The following ABHD16A variants were observed in gnomAD, a reference collection of about 807,000 sequenced individuals.
ABHD16A encodes abhydrolase domain containing 16A, phospholipase.
A neutral mutation model predicts 89.8 loss-of-function variants in ABHD16A; 47 were observed. The ratio of observed to expected loss-of-function variants is 0.52; its 90% CI spans 0.41 to 0.67. The LOEUF (loss-of-function observed/expected upper bound fraction) is 0.67. Ranked by LOEUF, ABHD16A falls within the 30% of genes least tolerant of loss-of-function variation. The pLI, the probability that ABHD16A is intolerant of heterozygous loss-of-function variation, is 0.00. For missense variants in ABHD16A, 580 were observed against 734.6 expected (o/e 0.79, Z 2.43); for synonymous variants, 251 against 280.4 (o/e 0.90, Z 1.05).
At position 31,687,554 on chromosome 6, in the gene ABHD16A, G is replaced by A. The variant is rs1803416991; in HGVS notation, c.1547-10C>T. The stretch of plus-strand genomic sequence containing the variant: ...GCACTCATGTCCTCCCCTGCAGAGA[G>A]GAGGCGCTCAAAATAGGCCACACAT... On this transcript the variant is annotated splice_polypyrimidine_tract_variant and intron_variant, in intron 18 of 19. Transcript: ENST00000395952. The surrounding 1 kb of genome is among the most constrained non-coding windows in gnomAD (Gnocchi z 6.3). 3 of 1,612,950 alleles carry A rather than the reference G, an allele frequency of 1.9e-6. No individual in the cohort carries two copies. The highest frequency in any genetic ancestry group is 1.3e-5 in the African/African-American group (1 of 74,896).
chr6:31,701,381 AC>A, intron 2 of ABHD16A, 41 bp from the exon 3 acceptor site: 2 of 1,495,150 alleles, frequency 1.3e-6, no homozygotes, highest in Non-Finnish European at 1.9e-6. Flanking sequence ...ATACACACAC[AC>A]ACACACACCT....
In ABHD16A at chr6:31,691,667, C is replaced by G; in HGVS notation, c.755G>C (p.Arg252Pro). 1 of 1,604,772 alleles carries G rather than the reference C, an allele frequency of 6.2e-7. No individual in the cohort carries two copies. Among genetic ancestry groups the G allele is most frequent in the Admixed American group, 1.7e-5 (1 of 58,430 alleles). Residue 252 changes from arginine to proline, a missense_variant, in exon 9 of 20, where the codon CGG (arginine) becomes CCG (proline). By Grantham distance (103) the Arg-to-Pro change is moderately radical. Transcript: ENST00000395952. Reference sequence around the variant, plus strand: ...GCCATCACAGGCCAGCAGCTTTGCCCGGCGCCCATTACACTGAGTACGGAA... The same window carrying G: ...GCCATCACAGGCCAGCAGCTTTGCCGGGCGCCCATTACACTGAGTACGGAA... ...ARLVEECNGR[R>P]AKLLACDGNE...
Position 31,693,115 on chromosome 6 carries a change from C to T in ABHD16A, c.538G>A (p.Val180Met). 6.2e-7 allele frequency: 1 copy of T among 1,613,992 alleles called. No homozygotes were observed. Among genetic ancestry groups the T allele is most frequent in the Non-Finnish European group, 8.5e-7 (1 of 1,179,948 alleles). The change falls in exon 7 of 20, where the codon GTG becomes ATG. Residue 180 changes from valine (V) to methionine (M), a missense_variant. Coordinates refer to ENST00000395952, the MANE Select transcript of ABHD16A (RefSeq NM_021160.3). The surrounding 1 kb of genome is among the most constrained non-coding windows in gnomAD (Gnocchi z 5.0). Reference protein sequence around the residue: ...ESRGGPSRRGVALLRPEPLHR... With the variant: ...ESRGGPSRRGMALLRPEPLHR... Reference sequence around the variant, plus strand: ...AGGGGCTCTGGGCGAAGCAGGGCCACACCCCGGCGGGAAGGGCCCCCTCGA... The same window carrying T: ...AGGGGCTCTGGGCGAAGCAGGGCCATACCCCGGCGGGAAGGGCCCCCTCGA...
intron 2 of ABHD16A, 55 bp from the exon 3 acceptor site, chr6:31,701,395 C>T: frequency 7.2e-7 from 1 of 1,380,150 alleles, no homozygotes; most frequent in Non-Finnish European, 1.0e-6. Context: ...ACACACCTGC[C>T]ATTCCAGGCA....
Position 31,690,443 on chromosome 6 carries a change from A to C in ABHD16A, c.907+96T>G. ...AGCTGAGAGACTCAAAACCTCACCCAGAGAAAGCAGAGGCCAGGGGAGGTC... is the reference window on the plus strand; with the variant it reads ...AGCTGAGAGACTCAAAACCTCACCCCGAGAAAGCAGAGGCCAGGGGAGGTC... On this transcript the variant is annotated intron_variant, in intron 10 of 19. Coordinates refer to ENST00000395952, the MANE Select transcript of ABHD16A (RefSeq NM_021160.3). The surrounding 1 kb of genome is among the most constrained non-coding windows in gnomAD (Gnocchi z 4.1). 2 of 1,349,072 alleles carry C rather than the reference A, an allele frequency of 1.5e-6. No individual in the cohort carries two copies. The highest frequency in any genetic ancestry group is 2.1e-6 in the Non-Finnish European group (2 of 944,634). 83.6% of individuals were successfully genotyped at this position (1,349,072 alleles called of 1,614,324 possible).
chr6:31,688,932 C>T lies in ABHD16A; in HGVS notation c.1186+83G>A. On this transcript the variant is annotated intron_variant, in intron 13 of 19. Transcript: ENST00000395952. The surrounding 1 kb of genome is among the most constrained non-coding windows in gnomAD (Gnocchi z 4.9). ...ACAATGGGGCGACTTACTCCCCACC[C>T]AAGAAAAGGGAGCCATCTCAGAACA... 6.9e-7 allele frequency: 1 copy of T among 1,448,684 alleles called. No homozygotes were observed. The highest frequency in any genetic ancestry group is 1.2e-5 in the South Asian group (1 of 80,888). 89.7% of individuals were successfully genotyped at this position (1,448,684 alleles called of 1,614,324 possible).
chr6:31,687,125 A>G lies in ABHD16A; in HGVS notation c.*87T>C. ...CCACTTTCCACAAACTATAAACAGC[A>G]ACATGAACACAGAGAATCACAAATA... On this transcript the variant is annotated 3_prime_UTR_variant, in exon 20 of 20. Coordinates refer to ENST00000395952, the MANE Select transcript of ABHD16A (RefSeq NM_021160.3). This position sits in a 1 kb window ranked among gnomAD's most constrained non-coding sequence, Gnocchi z 6.3. 7.7e-7 allele frequency: 1 copy of G among 1,301,586 alleles called. No homozygotes were observed. The highest frequency in any genetic ancestry group is 1.1e-6 in the Non-Finnish European group (1 of 929,004). The allele number at this position is 1,301,586 out of a possible 1,614,324, so 80.6% of individuals were successfully genotyped here.
At chr6:31,694,553 C>T (rs1804218829) in intron 5 of ABHD16A, among the ~76,000 whole-genome samples, 1 of 152,064 alleles carries the variant, frequency 6.6e-6, no homozygotes, top group African/African-American at 2.4e-5. Flanking sequence ...CCACCATGCC[C>T]GGCTAATTTT....
rs1165323125 is a variant in ABHD16A at position 31,688,736 on chromosome 6, C to T, written c.1237G>A (p.Glu413Lys). The T allele has an allele frequency of 1.9e-6, 3 of 1,612,908 alleles. No individual in the cohort carries two copies. Among genetic ancestry groups the T allele is most frequent in the African/African-American group, 2.7e-5 (2 of 74,926 alleles). ...VRQHLNLNNA[E>K]QLCRYQGPVL... The stretch of plus-strand genomic sequence containing the variant: ...GCCGGCCCTCACCTGCACAGCTGCT[C>T]CGCGTTGTTTAGATTGAGATGCTGC... Residue 413 changes from glutamate to lysine, a missense_variant, in exon 14 of 20, where the codon GAG becomes AAG. Around this residue, in one of 2 missense-constraint regions of ABHD16A, gnomAD observed 415 missense variants for 568.8 expected, o/e 0.73. Transcript: ENST00000395952. This position sits in a 1 kb window ranked among gnomAD's most constrained non-coding sequence, Gnocchi z 4.9.
chr6:31,701,936 G>T, intron 2 of ABHD16A, 138 bp downstream of exon 2: 2 of 849,924 alleles, frequency 2.4e-6, no homozygotes, highest in Non-Finnish European at 1.9e-6. Flanking sequence ...CTGTGTGTCT[G>T]TGTTGGAGAG....
At chr6:31,689,820 G>A in intron 11 of ABHD16A, 116 bp from the exon 12 acceptor site, 1 of 1,435,280 alleles carries the variant, frequency 7.0e-7, no homozygotes. Context: ...GGTGTAGAAG[G>A]AAGGGATGGT....
At chr6:31,699,978 C>A (rs776773705) in intron 4 of ABHD16A, among the ~76,000 whole-genome samples, 3 of 152,170 alleles carry the variant, frequency 2.0e-5, no homozygotes, top group Admixed American at 1.3e-4. Context: ...GAACTCCTGA[C>A]CTCTGGTGAT....
At position 31,687,647 on chromosome 6, in the gene ABHD16A, C is replaced by T; in HGVS notation, c.1541G>A (p.Ser514Asn). The T allele has an allele frequency of 1.9e-6, 3 of 1,612,940 alleles. No individual in the cohort carries two copies. The highest frequency in any genetic ancestry group is 2.5e-6 in the Non-Finnish European group (3 of 1,179,944). The change falls in exon 18 of 20, where the codon AGC becomes AAC. Residue 514 changes from serine to asparagine, a missense_variant. Ser to Asn is a conservative substitution (Grantham distance 46, BLOSUM62 1). Coordinates refer to ENST00000395952, the MANE Select transcript of ABHD16A (RefSeq NM_021160.3). The surrounding 1 kb of genome is among the most constrained non-coding windows in gnomAD (Gnocchi z 6.3). The stretch of plus-strand genomic sequence containing the variant: ...CTGCCCCAGGAGCTCCTTACCCACG[C>T]TCCAGGGGAAGTCGGGCCCGTGTTC... The part of the protein sequence containing the change: ...QAEHGPDFPW[S>N]VGEDMSADGR...
chr6:31,703,181 G>A lies in ABHD16A; in HGVS notation c.101C>T (p.Thr34Met), dbSNP rs746429242. 2.1e-6 allele frequency: 3 copies of A among 1,435,482 alleles called. No homozygotes were observed. The highest frequency in any genetic ancestry group is 2.8e-6 in the Non-Finnish European group (3 of 1,087,766). 88.9% of individuals were successfully genotyped at this position (1,435,482 alleles called of 1,614,324 possible). A position where few individuals can be genotyped will look rare whatever the true frequency, so the allele number is the denominator to read the frequency against. ...RAPASVPETP[T>M]AVTAPHSSSW... The stretch of plus-strand genomic sequence containing the variant: ...GCTGGAATGGGGGGCAGTGACTGCC[G>A]TTGGCGTCTCAGGGACGCTGGCCGG... The change falls in exon 1 of 20, where the codon ACG becomes ATG. Residue 34 changes from threonine to methionine, a missense_variant. Physicochemically the swap from Thr to Met is moderately conservative, Grantham distance 81. Around this residue, in one of 2 missense-constraint regions of ABHD16A, gnomAD observed 165 missense variants for 165.8 expected, o/e 1.00. Coordinates refer to ENST00000395952, the MANE Select transcript of ABHD16A (RefSeq NM_021160.3).
rs769970049 is a variant in ABHD16A, at chr6:31,693,450, G to C, written c.430-18C>G. Reference sequence around the variant, plus strand: ...AGCTGCCTCTGCAGTGGGCACGAGAGGCAAAGGGGTACTGAGAACTCAGGG... The same window carrying C: ...AGCTGCCTCTGCAGTGGGCACGAGACGCAAAGGGGTACTGAGAACTCAGGG... On this transcript the variant is annotated intron_variant, in intron 5 of 19. Coordinates refer to ENST00000395952, the MANE Select transcript of ABHD16A (RefSeq NM_021160.3). The surrounding 1 kb of genome is among the most constrained non-coding windows in gnomAD (Gnocchi z 5.0). 17 of 1,612,390 alleles carry C rather than the reference G, an allele frequency of 1.1e-5. No homozygotes were observed. In the South Asian group the frequency reaches 1.9e-4, roughly 18 times the overall value.
Position 31,688,129 on chromosome 6 carries a change from G to C in ABHD16A, c.1308-26C>G. On this transcript the variant is annotated intron_variant, in intron 15 of 19. Coordinates refer to ENST00000395952, the MANE Select transcript of ABHD16A (RefSeq NM_021160.3). The surrounding 1 kb of genome is among the most constrained non-coding windows in gnomAD (Gnocchi z 4.9). Reference sequence around the variant, plus strand: ...CTGGGGGTGAGAAGAATGTACCCTGGAGGGGCTGGAGGTTAGGAGGAAGGG... The same window carrying C: ...CTGGGGGTGAGAAGAATGTACCCTGCAGGGGCTGGAGGTTAGGAGGAAGGG... The C allele has an allele frequency of 1.2e-6, 2 of 1,608,064 alleles. No individual in the cohort carries two copies. The highest frequency in any genetic ancestry group is 1.1e-5 in the South Asian group (1 of 90,328).
chr6:31,690,577 C>T lies in ABHD16A; in HGVS notation c.869G>A (p.Gly290Glu). 1 of 1,612,996 alleles carries T rather than the reference C, an allele frequency of 6.2e-7. No homozygotes were observed. The highest frequency in any genetic ancestry group is 8.5e-7 in the Non-Finnish European group (1 of 1,179,998). ...KLVICCEGNA[G>E]FYEVGCVSTP... ...GGAGACGCAGCCCACCTCATAAAAC[C>T]CAGCATTCCCCTCACAGCAGATCAC... The change falls in exon 10 of 20, where the codon GGG becomes GAG. Residue 290 changes from glycine to glutamate, a missense_variant. Physicochemically the swap from Gly to Glu is moderately conservative, Grantham distance 98. This residue lies in a region of ABHD16A where 415 missense variants were observed against 568.8 expected (regional missense o/e 0.73). Coordinates refer to ENST00000395952, the MANE Select transcript of ABHD16A (RefSeq NM_021160.3). This position sits in a 1 kb window ranked among gnomAD's most constrained non-coding sequence, Gnocchi z 4.1.
In ABHD16A at chr6:31,702,578, G is replaced by A. The variant is rs538515036; in HGVS notation, c.133-448C>T. 17 of 1,421,928 alleles carry A rather than the reference G, an allele frequency of 1.2e-5. No homozygotes were observed. The East Asian group carries it at 3.5e-4, about 29-fold the overall frequency. The allele number at this position is 1,421,928 out of a possible 1,614,324, so 88.1% of individuals were successfully genotyped here. The stretch of plus-strand genomic sequence containing the variant: ...GAGACAGTAACACAATGAGACAACT[G>A]ATAAAAAGGAAGAGAATATTTAGAA... On this transcript the variant is annotated intron_variant, in intron 1 of 19. Transcript: ENST00000395952.
At chr6:31,691,772 C>T (rs1262758275) in intron 8 of ABHD16A, 32 bp downstream of exon 8, 1 of 1,589,012 alleles carries the variant, frequency 6.3e-7, no homozygotes, top group Non-Finnish European at 8.6e-7. Context: ...GAGGGGAGGG[C>T]TTTAGGGGAT....
Sources: gnomAD v4.1 joint callset for allele counts (sites outside exome capture counted in the v4.1 genomes callset) on GRCh38, gnomAD v4.1.1 for gene constraint, gnomAD v4.1.1 regional missense constraint, Gnocchi (gnomAD v3.1) non-coding constraint, MANE v1.5 for transcripts, NCBI Gene and HGNC (gene_info 2026-07-23, HGNC 2026-07-21) for gene names.